The following TAFA5 variants were observed in gnomAD, a reference collection of about 807,000 sequenced individuals.
TAFA5 encodes the protein TAFA chemokine like family member 5.
Under a neutral mutation model 15.3 loss-of-function variants are expected in TAFA5, and 6 were observed. The ratio of observed to expected loss-of-function variants is 0.39; its 90% CI spans 0.21 to 0.77. The LOEUF (loss-of-function observed/expected upper bound fraction) is 0.77, where lower values mean the gene tolerates loss of function less well. Ranked by LOEUF, TAFA5 falls within the 30% of genes least tolerant of loss-of-function variation. The pLI is 0.41. For synonymous variants in TAFA5, 103 were observed against 80.7 expected, an observed-to-expected ratio of 1.28 and a Z score of -1.48; for missense variants, 161 against 193.1, an observed-to-expected ratio of 0.83 and a Z score of 0.98.
At chr22:48,628,564 G>C (rs1926104178) in intron 1 of TAFA5, among the ~76,000 whole-genome samples, 1 of 152,220 alleles carries the variant, frequency 6.6e-6, no homozygotes, top group Non-Finnish European at 1.5e-5. Flanking sequence ...TGCTCCCTGT[G>C]CAGCCCCAGG....
chr22:48,694,600 A>G (rs1040413706), intron 2 of TAFA5, among the ~76,000 whole-genome samples: 3 of 151,772 alleles, frequency 2.0e-5, no homozygotes, highest in African/African-American at 7.3e-5. Context: ...TCCCTGCCCC[A>G]TGTGCTGGTC....
At chr22:48,640,013 G>C (rs1451330869) in intron 1 of TAFA5, among the ~76,000 whole-genome samples, 1 of 152,236 alleles carries the variant, frequency 6.6e-6, no homozygotes, top group Non-Finnish European at 1.5e-5. Context: ...TAGGAACCCA[G>C]GTGATGATGG....
intron 1 of TAFA5, among the ~76,000 whole-genome samples, chr22:48,635,248 CG>C (rs1173936828): frequency 6.6e-6 from 1 of 152,212 alleles, no homozygotes; most frequent in East Asian, 1.9e-4. Flanking sequence ...GACGTGTGCT[CG>C]GGCAGCACAG....
Position 48,747,943 on chromosome 22 carries a change from G to C in TAFA5, c.391-1896G>C, listed in dbSNP as rs551024963. On this transcript the variant is annotated intron_variant, in intron 3 of 3. Coordinates refer to ENST00000402357, the MANE Select transcript of TAFA5 (RefSeq NM_001082967.3). ...AATAGCGTGTTCCTTCATACAGCAG[G>C]CTCCTCCTGACCTTAACGTCAGATG... 1.2e-3 allele frequency among the ~76,000 whole-genome samples: 186 copies of C among 151,722 alleles called. 1 individual carries two copies. The highest frequency in any genetic ancestry group is 4.4e-3 in the African/African-American group (182 of 41,364).
chr22:48,502,769 C>A (rs964713190), intron 1 of TAFA5, among the ~76,000 whole-genome samples: 2 of 152,108 alleles, frequency 1.3e-5, no homozygotes, highest in East Asian at 1.9e-4. Flanking sequence ...TGATCCGCCC[C>A]CCTCGGTCTC....
At position 48,715,241 on chromosome 22, in the gene TAFA5, C is replaced by CGGCT. The variant is rs1929367769; in HGVS notation, c.390+7399_390+7402dup. ...TCTGTGAAGCCCACCTGCCACCAGC[C>CGGCT]GGCTGTTCAGTGCTGTGCTCCGAAA... On this transcript the variant is annotated intron_variant, in intron 3 of 3. Transcript: ENST00000402357. Among the ~76,000 whole-genome samples the CGGCT allele has an allele frequency of 2.0e-5, 3 of 152,336 alleles. 1 individual carries two copies. In the South Asian group the frequency reaches 6.2e-4, roughly 32 times the overall value.
At chr22:48,702,268 C>T (rs1360881928) in intron 2 of TAFA5, among the ~76,000 whole-genome samples, 1 of 152,100 alleles carries the variant, frequency 6.6e-6, no homozygotes, top group Non-Finnish European at 1.5e-5. Flanking sequence ...ATGGGGCTGA[C>T]TGGCACCTTA....
intron 1 of TAFA5, among the ~76,000 whole-genome samples, chr22:48,559,917 C>T (rs1463752574): frequency 2.6e-5 from 4 of 152,264 alleles, no homozygotes; most frequent in Admixed American, 6.5e-5. Context: ...TTGCGGGGGC[C>T]GTGGTAGAGA....
chr22:48,715,361 C>T (rs905151117), intron 3 of TAFA5, among the ~76,000 whole-genome samples: 1 of 152,204 alleles, frequency 6.6e-6, no homozygotes, highest in African/African-American at 2.4e-5. Context: ...AAGGAGTCAT[C>T]GAGACAGCAG....
rs1199508810 is a variant in TAFA5, at chr22:48,508,765, A to ATCAGAGTAGTCTGCACACCCATCGCC, written c.112+19065_112+19090dup. 1.5e-3 allele frequency among the ~76,000 whole-genome samples: 227 copies of ATCAGAGTAGTCTGCACACCCATCGCC among 152,324 alleles called. 1 individual carries two copies. The highest frequency in any genetic ancestry group is 2.6e-3 in the Non-Finnish European group (176 of 68,030). On this transcript the variant is annotated intron_variant, in intron 1 of 3. Coordinates refer to ENST00000402357, the MANE Select transcript of TAFA5 (RefSeq NM_001082967.3). ...TATACAAACAATGTGTGGTGATCAA[A>ATCAGAGTAGTCTGCACACCCATCGCC]TCAGAGTAGTCTGCACACCCATCGC...
In TAFA5 at chr22:48,586,617, G is replaced by A. The variant is rs560205383; in HGVS notation, c.113-59980G>A. 4.6e-5 allele frequency among the ~76,000 whole-genome samples: 7 copies of A among 152,370 alleles called. No homozygotes were observed. The South Asian group carries it at 1.5e-3, about 32-fold the overall frequency. On this transcript the variant is annotated intron_variant, in intron 1 of 3. Coordinates refer to ENST00000402357, the MANE Select transcript of TAFA5 (RefSeq NM_001082967.3). ...CACTGGCCACAGGACTGCGCTGTCT[G>A]GAGAGGGATTCGCACACATTTGCAG...
At chr22:48,596,400 C>T (rs78953393) in intron 1 of TAFA5, among the ~76,000 whole-genome samples, 163 of 152,316 alleles carry the variant, frequency 1.1e-3, no homozygotes, top group African/African-American at 3.5e-3. Flanking sequence ...CACTGATTAA[C>T]GCTCCTCAGC....
intron 1 of TAFA5, among the ~76,000 whole-genome samples, chr22:48,493,700 T>C (rs956661892): frequency 9.2e-5 from 14 of 152,178 alleles, no homozygotes. Flanking sequence ...ATATAAATTA[T>C]CTGTCTCTGG....
chr22:48,730,552 T>G (rs940990881), intron 3 of TAFA5, among the ~76,000 whole-genome samples: 1 of 152,222 alleles, frequency 6.6e-6, no homozygotes, highest in African/African-American at 2.4e-5. Context: ...AGCCCTGCCT[T>G]GAACCAGTCT....
In TAFA5 at chr22:48,566,680, G is replaced by A. The variant is rs571434054; in HGVS notation, c.112+76976G>A. Among the ~76,000 whole-genome samples the A allele has an allele frequency of 6.6e-6, 1 of 152,340 alleles. No homozygotes were observed. Among genetic ancestry groups the A allele is most frequent in the East Asian group, 1.9e-4 (1 of 5,186 alleles). ...AGTTTCCTCAGCAATACGTTGGGGGGTGGGGTGGAATCTTTGCCTAAGAAG... is the reference window on the plus strand; with the variant it reads ...AGTTTCCTCAGCAATACGTTGGGGGATGGGGTGGAATCTTTGCCTAAGAAG... On this transcript the variant is annotated intron_variant, in intron 1 of 3. Transcript: ENST00000402357. This position sits in a 1 kb window ranked among gnomAD's most constrained non-coding sequence, Gnocchi z 4.5.
intron 1 of TAFA5, among the ~76,000 whole-genome samples, chr22:48,618,054 C>T (rs997968448): frequency 1.3e-5 from 2 of 152,196 alleles, no homozygotes; most frequent in African/African-American, 4.8e-5. Context: ...AAGTGTGGCG[C>T]CAGGCTCTGT....
chr22:48,703,330 T>G (rs545253343), intron 2 of TAFA5, among the ~76,000 whole-genome samples: 1 of 152,262 alleles, frequency 6.6e-6, no homozygotes, highest in East Asian at 1.9e-4. Flanking sequence ...GACCCCGCCG[T>G]CCTTCCTTCT....
chr22:48,682,180 G>A (rs1928212264), intron 2 of TAFA5, among the ~76,000 whole-genome samples: 2 of 152,150 alleles, frequency 1.3e-5, no homozygotes, highest in African/African-American at 4.8e-5. Flanking sequence ...AGCAGTCTGG[G>A]CTCCCTAGAC....
chr22:48,491,969 A>G (rs751559384), intron 1 of TAFA5, among the ~76,000 whole-genome samples: 1 of 152,230 alleles, frequency 6.6e-6, no homozygotes, highest in African/African-American at 2.4e-5. Flanking sequence ...CACATTTTTT[A>G]TGGCTGTTTC....
Sources: allele counts gnomAD v4.1 joint callset (sites outside exome capture counted in the v4.1 genomes callset), GRCh38; gene constraint gnomAD v4.1.1; non-coding constraint Gnocchi (gnomAD v3.1); transcripts MANE v1.5; gene names NCBI Gene and HGNC (gene_info 2026-07-23, HGNC 2026-07-21).